The following CNST variants were observed in gnomAD, a reference collection of about 807,000 sequenced individuals.
The protein encoded by CNST is consortin, connexin sorting protein.
Under a neutral mutation model 72.4 loss-of-function variants are expected in CNST, and 39 were observed. The ratio of observed to expected loss-of-function variants is 0.54; its 90% CI spans 0.42 to 0.70. CNST has a LOEUF of 0.70. CNST is among the 30% of genes least tolerant of loss of function. The pLI, the probability that CNST is intolerant of heterozygous loss-of-function variation, is 0.00. For missense variants in CNST, 871 were observed against 868.5 expected (o/e 1.00, Z -0.04); for synonymous variants, 332 against 320.1 (o/e 1.04, Z -0.40).
rs767979403 is a variant in CNST, at chr1:246,591,548, C to A, written c.-15C>A. 6.8e-6 allele frequency: 11 copies of A among 1,613,626 alleles called. No homozygotes were observed. The highest frequency in any genetic ancestry group is 7.6e-6 in the Non-Finnish European group (9 of 1,179,762). ...CTTTAATGTAACTTTAAATGGTTCA[C>A]CAAAGGATGCTCTAATGGATGACAG... On this transcript the variant is annotated 5_prime_UTR_variant, in exon 2 of 11. Transcript: ENST00000366513.
At chr1:246,592,009 CTG>C (rs1558538940) in intron 2 of CNST, 68 bp downstream of exon 2, 3 of 1,227,784 alleles carry the variant, frequency 2.4e-6, no homozygotes, top group Middle Eastern at 5.2e-4. Context: ...CCCTCCCATA[CTG>C]TGTTTACTGT....
intron 2 of CNST, among the ~76,000 whole-genome samples, chr1:246,595,991 G>C (rs115543645): frequency 0.013 from 1,930 of 152,114 alleles, 16 homozygotes; most frequent in Middle Eastern, 0.027. Flanking sequence ...GTGTCAATGG[G>C]TAAAACCTTG....
At chr1:246,582,145 T>A (rs1660825036) in intron 1 of CNST, among the ~76,000 whole-genome samples, 1 of 152,214 alleles carries the variant, frequency 6.6e-6, no homozygotes, top group Admixed American at 6.5e-5. Context: ...TCAGATTTAC[T>A]GGCCCTTCAC....
rs534260919 is a variant in CNST at position 246,623,654 on chromosome 1, C to G, written c.585+2020C>G. ...GCACGCGCCTGTAGTCCCAGCTACT[C>G]GAGAGGCTGAGGCAGAAGAATTGCT... On this transcript the variant is annotated intron_variant, in intron 3 of 10. Transcript: ENST00000366513. 2.6e-5 allele frequency among the ~76,000 whole-genome samples: 4 copies of G among 151,918 alleles called. No homozygotes were observed. In the East Asian group the frequency reaches 7.8e-4, roughly 29 times the overall value.
intron 2 of CNST, among the ~76,000 whole-genome samples, chr1:246,593,479 C>A (rs1437772532): frequency 6.6e-6 from 1 of 151,838 alleles, no homozygotes; most frequent in Non-Finnish European, 1.5e-5. Flanking sequence ...TAGCTGGGAT[C>A]ACAGGTGTGC....
chr1:246,623,127 A>G (rs951026070), intron 3 of CNST, among the ~76,000 whole-genome samples: 2 of 152,210 alleles, frequency 1.3e-5, no homozygotes, highest in Non-Finnish European at 2.9e-5. Flanking sequence ...CCCAGCCTGC[A>G]TTTTATTTTT....
At position 246,668,007 on chromosome 1, in the gene CNST, T is replaced by C. The variant is rs1667455219; in HGVS notation, c.*2102T>C. 1 of 152,144 alleles carries C rather than the reference T, an allele frequency of 6.6e-6. No homozygotes were observed. The highest frequency in any genetic ancestry group is 1.5e-5 in the Non-Finnish European group (1 of 68,038). The allele number at this position is 152,144 out of a possible 1,614,324, so 9.4% of individuals were successfully genotyped here. On this transcript the variant is annotated 3_prime_UTR_variant, in exon 11 of 11. Coordinates refer to ENST00000366513, the MANE Select transcript of CNST (RefSeq NM_152609.3). ...TGCTAAGCAGGGGCCCAGTGGTGTC[T>C]CAGAGAAACCATGGGTGTCCTCGCC...
intron 1 of CNST, among the ~76,000 whole-genome samples, chr1:246,571,666 G>A (rs1041919682): frequency 2.6e-5 from 4 of 151,998 alleles, no homozygotes; most frequent in Non-Finnish European, 5.9e-5. Flanking sequence ...AACAGTAAAT[G>A]GTAAATTTTG....
rs569002004 is a variant in CNST, at chr1:246,634,514, C to T, written c.745C>T (p.Leu249=). The stretch of plus-strand genomic sequence containing the variant: ...TGTGCAACCACATACAGTTACGGCT[C>T]TAAGGAATTCAGAAAAGGGATTTAA... The part of the protein sequence containing the change: ...KTVQPHTVTA[L]RNSEKGFNGE... Residue 249 remains leucine, a synonymous_variant, in exon 6 of 11, where the codon CTA becomes TTA. Coordinates refer to ENST00000366513, the MANE Select transcript of CNST (RefSeq NM_152609.3). 1 of 1,608,544 alleles carries T rather than the reference C, an allele frequency of 6.2e-7. No individual in the cohort carries two copies. The highest frequency in any genetic ancestry group is 8.5e-7 in the Non-Finnish European group (1 of 1,178,820).
chr1:246,646,558 G>T (rs370161730), intron 8 of CNST, among the ~76,000 whole-genome samples: 1 of 152,078 alleles, frequency 6.6e-6, no homozygotes, highest in Non-Finnish European at 1.5e-5. Context: ...TCAGGTAACC[G>T]CAGCCTCCGC....
intron 6 of CNST, among the ~76,000 whole-genome samples, chr1:246,635,626 T>C (rs1303044731): frequency 6.6e-6 from 1 of 152,216 alleles, no homozygotes; most frequent in Non-Finnish European, 1.5e-5. Flanking sequence ...GCCAGCCTGT[T>C]TTGATAAATT....
At chr1:246,634,640 C>T (rs1017094043) in intron 6 of CNST, 53 bp downstream of exon 6, 7 of 887,350 alleles carry the variant, frequency 7.9e-6, no homozygotes, top group South Asian at 3.1e-5. Context: ...ATTGAAGAAG[C>T]ATTATAGCAT....
At chr1:246,626,240 G>A (rs1036473405) in intron 3 of CNST, among the ~76,000 whole-genome samples, 1 of 151,658 alleles carries the variant, frequency 6.6e-6, no homozygotes, top group African/African-American at 2.4e-5. Context: ...TTGTAGAGAC[G>A]GGGTTTCACC....
chr1:246,588,826 C>T (rs1661359466), intron 1 of CNST, among the ~76,000 whole-genome samples: 1 of 152,146 alleles, frequency 6.6e-6, no homozygotes, highest in Non-Finnish European at 1.5e-5. Context: ...AATGCTTGAA[C>T]TATATTTCAA....
chr1:246,595,483 C>T (rs1465081931), intron 2 of CNST, among the ~76,000 whole-genome samples: 1 of 152,178 alleles, frequency 6.6e-6, no homozygotes, highest in African/African-American at 2.4e-5. Flanking sequence ...CATCTTGCTT[C>T]CATCCTCCAT....
Position 246,621,425 on chromosome 1 carries a change from A to G in CNST, c.380-4A>G. On this transcript the variant is annotated splice_region_variant and splice_polypyrimidine_tract_variant and intron_variant, in intron 2 of 10. Coordinates refer to ENST00000366513, the MANE Select transcript of CNST (RefSeq NM_152609.3). ...AACATAGGCATTTTCTTTACTTCTT[A>G]AAGGACTTTTTTCAGGAGATATTGC... 1 of 1,608,030 alleles carries G rather than the reference A, an allele frequency of 6.2e-7. No individual in the cohort carries two copies.
chr1:246,595,880 AT>A lies in CNST; in HGVS notation c.379+3940del, dbSNP rs556030640. 2.5e-3 allele frequency among the ~76,000 whole-genome samples: 378 copies of A among 152,320 alleles called. 1 individual carries two copies. The highest frequency in any genetic ancestry group is 8.7e-3 in the African/African-American group (361 of 41,584). ...TCCAAAGGCTAGTACTGGAAAAAAA[AT>A]GATAGTGCAGGACTCTTGTCACTAA... On this transcript the variant is annotated intron_variant, in intron 2 of 10. Transcript: ENST00000366513.
At chr1:246,573,783 A>C (rs1027222286) in intron 1 of CNST, among the ~76,000 whole-genome samples, 2 of 152,214 alleles carry the variant, frequency 1.3e-5, no homozygotes, top group African/African-American at 4.8e-5. Context: ...TACTTGTGTA[A>C]CGCTTTGTGT....
chr1:246,596,007 A>T (rs761022365), intron 2 of CNST, among the ~76,000 whole-genome samples: 29 of 151,992 alleles, frequency 1.9e-4, no homozygotes, highest in Non-Finnish European at 3.7e-4. Flanking sequence ...CCTTGATCTT[A>T]GCCTCAGGGA....
Sources: allele counts gnomAD v4.1 joint callset (sites outside exome capture counted in the v4.1 genomes callset), GRCh38; gene constraint gnomAD v4.1.1; transcripts MANE v1.5; gene names NCBI Gene and HGNC (gene_info 2026-07-23, HGNC 2026-07-21).